NF1: variants seen among roughly 807,000 people sequenced by gnomAD.
NF1 encodes neurofibromin.
In NF1, 122 loss-of-function variants were observed where a neutral mutation model predicts 325.7. The observed-to-expected ratio is 0.37, with a 90% CI of 0.32 to 0.44. The LOEUF (loss-of-function observed/expected upper bound fraction) is 0.44. Ranked by LOEUF, NF1 falls within the 20% of genes least tolerant of loss-of-function variation. The probability of loss-of-function intolerance (pLI) is 1.00; values close to 1 mark genes in which losing one functional copy is unlikely to be tolerated. For missense variants in NF1, 2,140 were observed against 3,415.4 expected (o/e 0.63, Z 9.31); for synonymous variants, 1,091 against 1,186.0 (o/e 0.92, Z 1.65).
chr17:31,140,076 A>AC (rs1188672076), intron 1 of NF1, among the ~76,000 whole-genome samples: 1 of 152,162 alleles, frequency 6.6e-6, no homozygotes, highest in African/African-American at 2.4e-5. Flanking sequence ...AAAACTCCTG[A>AC]CCATAGGGGA....
At chr17:31,298,324 A>G (rs1296963113) in intron 36 of NF1, among the ~76,000 whole-genome samples, 1 of 152,146 alleles carries the variant, frequency 6.6e-6, no homozygotes, top group African/African-American at 2.4e-5. Flanking sequence ...CAGAATGGCA[A>G]GTTTAAAGAA....
chr17:31,170,365 G>A (rs538717701), intron 5 of NF1, among the ~76,000 whole-genome samples: 6 of 152,330 alleles, frequency 3.9e-5, no homozygotes, highest in African/African-American at 9.6e-5. Flanking sequence ...AAGATTGTCT[G>A]TAGTAGGATA....
chr17:31,281,643 C>T (rs1289735489), intron 36 of NF1, among the ~76,000 whole-genome samples: 2 of 151,992 alleles, frequency 1.3e-5, no homozygotes, highest in East Asian at 3.9e-4. Context: ...GTTTGAATGC[C>T]CTTCCTTTAT....
At chr17:31,167,238 T>G (rs1210953697) in intron 4 of NF1, among the ~76,000 whole-genome samples, 2 of 152,218 alleles carry the variant, frequency 1.3e-5, no homozygotes, top group Non-Finnish European at 2.9e-5. Context: ...CTACGCTCTT[T>G]GCAGCAGCTG....
intron 8 of NF1, among the ~76,000 whole-genome samples, chr17:31,190,509 G>C (rs1267111363): frequency 6.6e-6 from 1 of 152,142 alleles, no homozygotes; most frequent in Non-Finnish European, 1.5e-5. Flanking sequence ...ATAGTTGATA[G>C]AGATCTGACA....
At chr17:31,334,664 G>T (rs1470833605) in intron 39 of NF1, 174 bp from the exon 40 acceptor site, 2 of 599,908 alleles carry the variant, frequency 3.3e-6, no homozygotes, top group African/African-American at 3.7e-5. Context: ...TTTCTTCAAG[G>T]ACTGTTCTTT....
At chr17:31,178,435 C>G (rs1206129824) in intron 5 of NF1, among the ~76,000 whole-genome samples, 1 of 152,230 alleles carries the variant, frequency 6.6e-6, no homozygotes. Flanking sequence ...TAAAGACCAT[C>G]TATGCTGTGA....
rs76217992 is a variant in NF1 at position 31,175,474 on chromosome 17, G to A, written c.586+5477G>A. 5.8e-3 allele frequency among the ~76,000 whole-genome samples: 861 copies of A among 148,032 alleles called. 3 individuals are homozygous for A. Among genetic ancestry groups the A allele is most frequent in the African/African-American group, 0.02 (810 of 40,466 alleles). ...AAGCTATCTTCCCACTCCTGCTTTC[G>A]AAAGTGCTGAGATTATAGGCGTGAG... On this transcript the variant is annotated intron_variant, in intron 5 of 57. Coordinates refer to ENST00000358273, the MANE Select transcript of NF1 (RefSeq NM_001042492.3).
intron 5 of NF1, among the ~76,000 whole-genome samples, chr17:31,177,421 A>G (rs1597653348): frequency 2.0e-5 from 2 of 101,598 alleles, no homozygotes; most frequent in South Asian, 6.4e-4. Context: ...GGAAGAAACC[A>G]GTGCAAAAAG....
intron 36 of NF1, chr17:31,295,440 G>T: frequency 6.2e-7 from 1 of 1,614,086 alleles, no homozygotes; most frequent in South Asian, 1.1e-5. Context: ...GTCACTTTGG[G>T]TTGAGTTACC....
chr17:31,183,229 G>T (rs531962219), intron 8 of NF1: 41 of 191,216 alleles, frequency 2.1e-4, no homozygotes, highest in Non-Finnish European at 3.6e-4. Flanking sequence ...AAAAAAAAAA[G>T]AACTGAGTAT....
At chr17:31,337,693 A>C in intron 43 of NF1, 111 bp downstream of exon 43, 1 of 1,404,418 alleles carries the variant, frequency 7.1e-7, no homozygotes, top group Non-Finnish European at 9.9e-7. Flanking sequence ...TTAATGCTTA[A>C]ATAAAAACAC....
chr17:31,353,216 A>G (rs2151578395), intron 51 of NF1, among the ~76,000 whole-genome samples: 1 of 152,298 alleles, frequency 6.6e-6, no homozygotes, highest in East Asian at 1.9e-4. Context: ...GCCGGAAGAT[A>G]GGATTCTTGA....
Position 31,233,136 on chromosome 17 carries a change from C to T in NF1, c.3631C>T (p.Leu1211=), listed in dbSNP as rs876658125. Residue 1211 remains leucine (L), a synonymous_variant, in exon 27 of 58, where the codon CTG becomes TTG. Transcript: ENST00000358273. ...LADRFERLVE[L]VTMMGDQGEL... ...TGATCGGTTTGAGAGATTGGTGGAA[C>T]TGGTCACAATGATGGGTGATCAAGG... is the stretch of plus-strand genomic sequence containing the variant. 5.6e-6 allele frequency: 9 copies of T among 1,614,016 alleles called. No homozygotes were observed. The highest frequency in any genetic ancestry group is 7.6e-6 in the Non-Finnish European group (9 of 1,180,042).
At chr17:31,184,677 A>T (rs1194025478) in intron 8 of NF1, among the ~76,000 whole-genome samples, 7 of 151,630 alleles carry the variant, frequency 4.6e-5, no homozygotes, top group Admixed American at 4.6e-4. Flanking sequence ...AAAAAATAAA[A>T]AAATAAAATA....
At chr17:31,205,568 G>A (rs2066605039) in intron 11 of NF1, among the ~76,000 whole-genome samples, 1 of 152,086 alleles carries the variant, frequency 6.6e-6, no homozygotes, top group South Asian at 2.1e-4. Flanking sequence ...GAGTTAAACA[G>A]GGTAAATTGA....
Position 31,201,166 on chromosome 17 carries a change from G to T in NF1, c.1185+7G>T, listed in dbSNP as rs1322791959. 2 of 1,613,884 alleles carry T rather than the reference G, an allele frequency of 1.2e-6. No homozygotes were observed. The highest frequency in any genetic ancestry group is 2.2e-5 in the East Asian group (1 of 44,872). ...CAACAACCAACACTTTAAGGTGAGA[G>T]CATTGGTTTTTATCTAACTATATTT... On this transcript the variant is annotated splice_region_variant and intron_variant, in intron 10 of 57. Transcript: ENST00000358273.
intron 8 of NF1, among the ~76,000 whole-genome samples, chr17:31,193,697 C>T (rs564792744): frequency 2.0e-5 from 3 of 151,230 alleles, no homozygotes; most frequent in Admixed American, 1.3e-4. Flanking sequence ...AACAAAACAA[C>T]AACAAAAAAT....
In NF1 at chr17:31,094,978, C is replaced by A; in HGVS notation, c.-332C>A. The A allele has an allele frequency of 1.9e-6, 1 of 533,546 alleles. No homozygotes were observed. The highest frequency in any genetic ancestry group is 3.3e-6 in the Non-Finnish European group (1 of 300,688). 33.1% of individuals were successfully genotyped at this position (533,546 alleles called of 1,614,324 possible). ...TCCCCGGGCCGTGGAAAGGATCCCACTTCCGGTGGGGTGTCATGGCGGCGT... is the reference window on the plus strand; with the variant it reads ...TCCCCGGGCCGTGGAAAGGATCCCAATTCCGGTGGGGTGTCATGGCGGCGT... On this transcript the variant is annotated 5_prime_UTR_variant, in exon 1 of 58. Transcript: ENST00000358273.
Sources: gnomAD v4.1 joint callset for allele counts (sites outside exome capture counted in the v4.1 genomes callset) on GRCh38, gnomAD v4.1.1 for gene constraint, MANE v1.5 for transcripts, NCBI Gene and HGNC (gene_info 2026-07-23, HGNC 2026-07-21) for gene names.